CDH8: variants seen among roughly 807,000 people sequenced by gnomAD.
CDH8 encodes the protein cadherin 8.
Under a neutral mutation model 68.1 loss-of-function variants are expected in CDH8, and 17 were observed. The observed-to-expected ratio is 0.25, with a 90% CI of 0.17 to 0.37. CDH8 has a LOEUF of 0.37. Among genes scored for constraint, CDH8 ranks in the 10% least tolerant of loss-of-function variants. The probability of loss-of-function intolerance (pLI) is 1.00; values close to 1 mark genes in which losing one functional copy is unlikely to be tolerated. For missense variants in CDH8, 763 were observed against 999.3 expected (o/e 0.76, Z 3.19); for synonymous variants, 372 against 365.1 (o/e 1.02, Z -0.21).
rs890042165 is a variant in CDH8 at position 61,708,610 on chromosome 16, G to A, written c.1654+5231C>T. On this transcript the variant is annotated intron_variant, in intron 10 of 11. Transcript: ENST00000577390. The stretch of plus-strand genomic sequence containing the variant: ...ACAGTCATATGCAACTTAGAAACTG[G>A]AAACACAAATCTGTTTTATCTATTT... 2.0e-5 allele frequency among the ~76,000 whole-genome samples: 3 copies of A among 152,296 alleles called. No homozygotes were observed. The South Asian group carries it at 6.2e-4, about 32-fold the overall frequency.
At chr16:61,879,941 T>C (rs1963538392) in intron 3 of CDH8, among the ~76,000 whole-genome samples, 2 of 152,250 alleles carry the variant, frequency 1.3e-5, no homozygotes, top group Admixed American at 6.5e-5. Flanking sequence ...TTTGTTTTTT[T>C]TTGAGACAGA....
intron 10 of CDH8, among the ~76,000 whole-genome samples, chr16:61,704,731 G>A (rs1378039799): frequency 6.6e-6 from 1 of 152,184 alleles, no homozygotes; most frequent in Non-Finnish European, 1.5e-5. Context: ...CTTGGGACTT[G>A]TCTGATTTTA....
At chr16:61,868,758 T>C (rs751892357) in intron 3 of CDH8, among the ~76,000 whole-genome samples, 2 of 152,226 alleles carry the variant, frequency 1.3e-5, no homozygotes, top group Non-Finnish European at 2.9e-5. Flanking sequence ...GGACTCAATC[T>C]GTAGTGAGAC....
At chr16:61,726,616 T>A in intron 9 of CDH8, 1 of 163,972 alleles carries the variant, frequency 6.1e-6, no homozygotes, top group Non-Finnish European at 1.3e-5. Flanking sequence ...TATGTTTATC[T>A]AAATATATTT....
intron 1 of CDH8, among the ~76,000 whole-genome samples, chr16:62,034,643 A>C (rs2150626084): frequency 6.6e-6 from 1 of 152,242 alleles, no homozygotes; most frequent in South Asian, 2.1e-4. Flanking sequence ...CAGGTGAAAG[A>C]AAGCAGCTGA....
intron 2 of CDH8, among the ~76,000 whole-genome samples, chr16:61,929,665 T>G (rs1346795486): frequency 6.6e-6 from 1 of 152,100 alleles, no homozygotes; most frequent in Non-Finnish European, 1.5e-5. Context: ...GATGGCAGTA[T>G]ATCTTGAGGT....
chr16:61,869,482 A>G, intron 3 of CDH8, among the ~76,000 whole-genome samples: 1 of 152,144 alleles, frequency 6.6e-6, no homozygotes, highest in East Asian at 1.9e-4. Flanking sequence ...ATTTTACAAT[A>G]TTGACTGTTA....
intron 9 of CDH8, among the ~76,000 whole-genome samples, chr16:61,723,194 A>C (rs1427904372): frequency 1.3e-5 from 2 of 150,758 alleles, no homozygotes; most frequent in Non-Finnish European, 3.0e-5. Flanking sequence ...GAAAGATCCT[A>C]CTAAGGAGGT....
In CDH8 at chr16:61,970,309, A is replaced by G. The variant is rs141186935; in HGVS notation, c.252+50843T>C. On this transcript the variant is annotated intron_variant, in intron 2 of 11. Transcript: ENST00000577390. ...TGTATGTCAGCATGATCCAAGTGAT[A>G]TCCAAACTCAAGGGAAAAATAAGAG... Among the ~76,000 whole-genome samples the G allele has an allele frequency of 4.0e-3, 607 of 152,340 alleles. 2 individuals are homozygous for G. The highest frequency in any genetic ancestry group is 0.019 in the South Asian group (93 of 4,832).
intron 2 of CDH8, among the ~76,000 whole-genome samples, chr16:61,979,502 A>G (rs1458263102): frequency 6.6e-6 from 1 of 152,214 alleles, no homozygotes; most frequent in Non-Finnish European, 1.5e-5. Flanking sequence ...TTACTGGGCC[A>G]GGATTAACCT....
chr16:61,949,639 A>G (rs1344273105), intron 2 of CDH8, among the ~76,000 whole-genome samples: 2 of 152,042 alleles, frequency 1.3e-5, no homozygotes, highest in East Asian at 3.9e-4. Flanking sequence ...TCTGGACACA[A>G]CATGACATCT....
intron 2 of CDH8, among the ~76,000 whole-genome samples, chr16:61,917,061 TAGTGTGTG>T (rs1193537658): frequency 8.5e-6 from 1 of 117,528 alleles, no homozygotes; most frequent in Non-Finnish European, 1.7e-5. Flanking sequence ...ATTTACCTAT[TAGTGTGTG>T]TGTGTGTGTG....
intron 10 of CDH8, among the ~76,000 whole-genome samples, chr16:61,698,734 C>G (rs753239198): frequency 6.6e-6 from 1 of 152,152 alleles, no homozygotes; most frequent in Non-Finnish European, 1.5e-5. Flanking sequence ...CCAGGTTTGG[C>G]CTTCACTTCT....
At chr16:62,019,588 C>T (rs1902022579) in intron 2 of CDH8, among the ~76,000 whole-genome samples, 1 of 152,074 alleles carries the variant, frequency 6.6e-6, no homozygotes, top group Admixed American at 6.6e-5. Context: ...TGTAATCAAC[C>T]ACATTAACAT....
intron 8 of CDH8, among the ~76,000 whole-genome samples, chr16:61,757,329 G>A (rs541614408): frequency 1.4e-4 from 22 of 151,912 alleles, no homozygotes; most frequent in African/African-American, 3.9e-4. Flanking sequence ...AATGCTCTAT[G>A]GTTTTAGGAC....
Position 61,825,120 on chromosome 16 carries a change from C to T in CDH8, c.727G>A (p.Val243Ile). 6.2e-7 allele frequency: 1 copy of T among 1,611,936 alleles called. No homozygotes were observed. ...DREAKEEYLV[V>I]IQAKDMGGHS... Reference sequence around the variant, plus strand: ...CCACCCATATCTTTGGCTTGGATAACAACCAGGTACTCCTCCTTGGCTTCT... The same window carrying T: ...CCACCCATATCTTTGGCTTGGATAATAACCAGGTACTCCTCCTTGGCTTCT... Residue 243 changes from valine to isoleucine, a missense_variant, in exon 5 of 12, where the codon GTT becomes ATT. Coordinates refer to ENST00000577390, the MANE Select transcript of CDH8 (RefSeq NM_001796.5).
At chr16:61,737,534 G>T (rs891886732) in intron 8 of CDH8, among the ~76,000 whole-genome samples, 3 of 152,138 alleles carry the variant, frequency 2.0e-5, no homozygotes, top group Admixed American at 1.3e-4. Context: ...GTCAATAGTG[G>T]GGTTAAGCTC....
intron 8 of CDH8, among the ~76,000 whole-genome samples, chr16:61,784,323 A>G (rs527409703): frequency 6.7e-6 from 1 of 150,306 alleles, no homozygotes; most frequent in East Asian, 2.0e-4. Flanking sequence ...ACCAACAAAG[A>G]TCAAAAGAGA....
At chr16:61,759,838 T>C (rs1310694766) in intron 8 of CDH8, among the ~76,000 whole-genome samples, 1 of 152,198 alleles carries the variant, frequency 6.6e-6, no homozygotes, top group African/African-American at 2.4e-5. Context: ...TTTCTTCCCC[T>C]GGATATGGGC....
Sources: allele counts gnomAD v4.1 joint callset (sites outside exome capture counted in the v4.1 genomes callset), GRCh38; gene constraint gnomAD v4.1.1; transcripts MANE v1.5; gene names NCBI Gene and HGNC (gene_info 2026-07-23, HGNC 2026-07-21).